ZNF431: variants seen among roughly 807,000 people sequenced by gnomAD.
ZNF431 encodes the protein zinc finger protein 431.
In ZNF431, 34 loss-of-function variants were observed where a neutral mutation model predicts 57.0. The observed-to-expected ratio is 0.60, with a 90% CI of 0.45 to 0.79. ZNF431 has a LOEUF of 0.79. ZNF431 is among the 30% of genes least tolerant of loss of function. The pLI is 0.00. For synonymous variants in ZNF431, 207 were observed against 220.3 expected, an observed-to-expected ratio of 0.94 and a Z score of 0.54; for missense variants, 607 against 667.1, an observed-to-expected ratio of 0.91 and a Z score of 0.99.
At chr19:21,174,980 C>T (rs1015192204) in intron 4 of ZNF431, among the ~76,000 whole-genome samples, 3 of 151,828 alleles carry the variant, frequency 2.0e-5, no homozygotes, top group South Asian at 2.1e-4. Context: ...CAGGCTGGTC[C>T]CAATCTGACC....
At chr19:21,168,942 C>T (rs1970802944) in intron 4 of ZNF431, among the ~76,000 whole-genome samples, 1 of 151,766 alleles carries the variant, frequency 6.6e-6, no homozygotes, top group South Asian at 2.1e-4. Flanking sequence ...GACACAGTCT[C>T]ACTGTGTTGC....
chr19:21,171,514 C>T lies in ZNF431; in HGVS notation c.319+3848C>T, dbSNP rs115016606. On this transcript the variant is annotated intron_variant, in intron 4 of 4. Transcript: ENST00000311048. Reference sequence around the variant, plus strand: ...GTAATTAAGAGATAAGTCAGCCATACGTCTATCACGATCAGATTATATGTG... The same window carrying T: ...GTAATTAAGAGATAAGTCAGCCATATGTCTATCACGATCAGATTATATGTG... Among the ~76,000 whole-genome samples, 124 of 151,828 alleles carry T rather than the reference C, an allele frequency of 8.2e-4. 1 individual carries two copies. The highest frequency in any genetic ancestry group is 2.9e-3 in the African/African-American group (119 of 41,422).
chr19:21,144,224 A>G (rs1054564949), intron 2 of ZNF431, among the ~76,000 whole-genome samples: 1 of 151,124 alleles, frequency 6.6e-6, no homozygotes, highest in African/African-American at 2.4e-5. Flanking sequence ...TTTTTTTGAA[A>G]CAAGTTTCAC....
intron 2 of ZNF431, among the ~76,000 whole-genome samples, chr19:21,154,864 GTTGT>G (rs201720817): frequency 0.13 from 20,288 of 152,132 alleles, 1,772 homozygotes; most frequent in Non-Finnish European, 0.2. Context: ...TGTTGATGGG[GTTGT>G]TTGTTTTTTT....
At position 21,185,233 on chromosome 19, in the gene ZNF431, A is replaced by C. The variant is rs1971335919; in HGVS notation, c.*1199A>C. ...AATCTGAAACTAAAGTTGGTAGAAAAGTTATTTGTATAGAACTTTAAGAGG... is the reference window on the plus strand; with the variant it reads ...AATCTGAAACTAAAGTTGGTAGAAACGTTATTTGTATAGAACTTTAAGAGG... On this transcript the variant is annotated 3_prime_UTR_variant, in exon 5 of 5. Coordinates refer to ENST00000311048, the MANE Select transcript of ZNF431 (RefSeq NM_133473.4). 6.6e-6 allele frequency: 1 copy of C among 152,214 alleles called. No homozygotes were observed. The highest frequency in any genetic ancestry group is 6.5e-5 in the Admixed American group (1 of 15,272). The allele number at this position is 152,214 out of a possible 1,614,324, so 9.4% of individuals were successfully genotyped here. A position where few individuals can be genotyped will look rare whatever the true frequency, so the allele number is the denominator to read the frequency against.
chr19:21,148,202 G>A (rs902683343), intron 2 of ZNF431, among the ~76,000 whole-genome samples: 5 of 151,856 alleles, frequency 3.3e-5, no homozygotes, highest in Non-Finnish European at 7.4e-5. Context: ...TCATCATGTT[G>A]GCCAGGCTGG....
At chr19:21,167,217 A>G (rs1409486201) in intron 3 of ZNF431, among the ~76,000 whole-genome samples, 1 of 151,030 alleles carries the variant, frequency 6.6e-6, no homozygotes, top group South Asian at 2.1e-4. Flanking sequence ...GCTGGAGTGC[A>G]ATGCACTATC....
At chr19:21,164,641 G>C (rs1970668518) in intron 2 of ZNF431, among the ~76,000 whole-genome samples, 1 of 152,000 alleles carries the variant, frequency 6.6e-6, no homozygotes, top group South Asian at 2.1e-4. Flanking sequence ...GGAGAAAGAG[G>C]AATAATGGCT....
intron 2 of ZNF431, among the ~76,000 whole-genome samples, chr19:21,159,724 A>G (rs1214375495): frequency 6.6e-6 from 1 of 152,158 alleles, no homozygotes; most frequent in African/African-American, 2.4e-5. Context: ...TCAGTATTTT[A>G]AAATAATTTT....
intron 2 of ZNF431, among the ~76,000 whole-genome samples, chr19:21,144,088 T>A (rs943031727): frequency 3.3e-5 from 5 of 150,798 alleles, no homozygotes; most frequent in Non-Finnish European, 7.4e-5. Context: ...CACATTTGTT[T>A]TTTAATCAGC....
intron 2 of ZNF431, chr19:21,149,698 C>T (rs1444155297): frequency 6.8e-6 from 4 of 586,472 alleles, no homozygotes; most frequent in African/African-American, 1.9e-5. Flanking sequence ...TTGAGCTTGG[C>T]GATCTGAGCC....
intron 4 of ZNF431, among the ~76,000 whole-genome samples, chr19:21,170,953 G>A (rs1227110029): frequency 1.3e-5 from 2 of 152,158 alleles, no homozygotes; most frequent in Non-Finnish European, 2.9e-5. Flanking sequence ...GATTACAGGC[G>A]TGAGCCATTG....
At chr19:21,178,472 G>A (rs981670621) in intron 4 of ZNF431, among the ~76,000 whole-genome samples, 1 of 152,006 alleles carries the variant, frequency 6.6e-6, no homozygotes, top group African/African-American at 2.4e-5. Flanking sequence ...TTTGATGTAT[G>A]TTTCATGAAT....
Position 21,182,747 on chromosome 19 carries a change from C to G in ZNF431, c.444C>G (p.Ser148=). ...AGAATTTACAGTTAAGAAAAGGCTCCGCAAGTGTAGATGAGTATAAGGTGC... is the reference window on the plus strand; with the variant it reads ...AGAATTTACAGTTAAGAAAAGGCTCGGCAAGTGTAGATGAGTATAAGGTGC... ...EHENLQLRKG[S]ASVDEYKVHK... The change falls in exon 5 of 5, where the codon TCC becomes TCG. Residue 148 remains serine (S), a synonymous_variant. Transcript: ENST00000311048. The G allele has an allele frequency of 6.2e-7, 1 of 1,613,798 alleles. No homozygotes were observed. Among genetic ancestry groups the G allele is most frequent in the Non-Finnish European group, 8.5e-7 (1 of 1,179,864 alleles).
At chr19:21,177,406 AC>A (rs1971089056) in intron 4 of ZNF431, among the ~76,000 whole-genome samples, 1 of 152,174 alleles carries the variant, frequency 6.6e-6, no homozygotes, top group South Asian at 2.1e-4. Context: ...TTATAACAGT[AC>A]CAGGCAGCTT....
intron 2 of ZNF431, among the ~76,000 whole-genome samples, chr19:21,147,199 A>G (rs993608346): frequency 1.3e-5 from 2 of 152,146 alleles, no homozygotes; most frequent in Non-Finnish European, 2.9e-5. Context: ...ATTTAAGAAC[A>G]TCTGTTGCTG....
At chr19:21,175,009 G>A (rs1971011473) in intron 4 of ZNF431, among the ~76,000 whole-genome samples, 1 of 152,014 alleles carries the variant, frequency 6.6e-6, no homozygotes, top group Non-Finnish European at 1.5e-5. Context: ...TGCCCGCCTT[G>A]GCCTCCCAAA....
At chr19:21,160,859 A>G (rs1436623785) in intron 2 of ZNF431, among the ~76,000 whole-genome samples, 2 of 152,154 alleles carry the variant, frequency 1.3e-5, no homozygotes, top group South Asian at 2.1e-4. Context: ...AATTGCTTCC[A>G]TTTCATATGG....
intron 2 of ZNF431, among the ~76,000 whole-genome samples, chr19:21,144,324 A>G (rs1970024794): frequency 6.6e-6 from 1 of 151,614 alleles, no homozygotes; most frequent in Non-Finnish European, 1.5e-5. Flanking sequence ...TCAGCCTCCT[A>G]AGTAGCTGAG....
Sources: gnomAD v4.1 joint callset for allele counts (sites outside exome capture counted in the v4.1 genomes callset) on GRCh38, gnomAD v4.1.1 for gene constraint, MANE v1.5 for transcripts, NCBI Gene and HGNC (gene_info 2026-07-23, HGNC 2026-07-21) for gene names.